The following LYPD8 variants were observed in gnomAD, a reference collection of about 807,000 sequenced individuals.
The protein encoded by LYPD8 is ly6/PLAUR domain-containing protein 8.
LYPD8 carries 8 observed loss-of-function variants against 1.7 expected under a neutral mutation model. The observed-to-expected ratio is 4.58, with a 90% confidence interval of 2.69 to 8.27. The LOEUF is 8.27. Among genes scored for constraint, LYPD8 ranks in the 30% most tolerant of loss-of-function variants. The pLI, the probability that LYPD8 is intolerant of heterozygous loss-of-function variation, is 0.00. For synonymous variants in LYPD8, 50 were observed against 43.6 expected (o/e 1.15, Z -0.58); for missense variants, 112 against 102.3 (o/e 1.09, Z -0.41).
Position 248,739,475 on chromosome 1 carries a change from C to T in LYPD8, c.*136G>A. 8.2e-7 allele frequency: 1 copy of T among 1,222,974 alleles called. No homozygotes were observed. The highest frequency in any genetic ancestry group is 1.1e-6 in the Non-Finnish European group (1 of 885,866). The allele number at this position is 1,222,974 out of a possible 1,614,324, so 75.8% of individuals were successfully genotyped here. The stretch of plus-strand genomic sequence containing the variant: ...AGAACAAGGCAGCTGTCGGCATTGC[C>T]TGGAGACCTGTGACTCCCACTTACT... On this transcript the variant is annotated 3_prime_UTR_variant, in exon 7 of 7. Transcript: ENST00000590317. The surrounding 1 kb of genome is among the most constrained non-coding windows in gnomAD (Gnocchi z 4.3).
intron 4 of LYPD8, among the ~76,000 whole-genome samples, chr1:248,749,591 G>A (rs1350354098): frequency 6.6e-6 from 1 of 151,960 alleles, no homozygotes. Context: ...AGGGAAAGAG[G>A]GGCCCAGACT....
intron 6 of LYPD8, among the ~76,000 whole-genome samples, chr1:248,742,355 C>G (rs1176347978): frequency 7.8e-5 from 1 of 12,804 alleles, no homozygotes. Context: ...TGTTGGCAGC[C>G]GGGGAGGTTA....
At position 248,745,137 on chromosome 1, in the gene LYPD8, C is replaced by G. The variant is rs1662708153; in HGVS notation, c.475+5G>C. On this transcript the variant is annotated splice_donor_5th_base_variant and intron_variant, in intron 6 of 6. Transcript: ENST00000590317. Reference sequence around the variant, plus strand: ...CCATAGAGGAATTAGAACTCCAAGACTTACCATTCTTAAGTTCTGCAACTA... The same window carrying G: ...CCATAGAGGAATTAGAACTCCAAGAGTTACCATTCTTAAGTTCTGCAACTA... 2.0e-5 allele frequency: 8 copies of G among 398,442 alleles called. No homozygotes were observed. In the South Asian group the frequency reaches 8.9e-4, roughly 44 times the overall value. The allele number at this position is 398,442 out of a possible 1,614,324, so 24.7% of individuals were successfully genotyped here.
chr1:248,752,659 C>CCA (rs1253200894), intron 2 of LYPD8, among the ~76,000 whole-genome samples: 3 of 90,498 alleles, frequency 3.3e-5, no homozygotes, highest in East Asian at 3.6e-4. Flanking sequence ...ACAACACACA[C>CCA]CACACACACC....
At chr1:248,745,352 A>G (rs1329857271) in intron 5 of LYPD8, 73 bp from the exon 6 acceptor site, 3 of 397,454 alleles carry the variant, frequency 7.5e-6, no homozygotes, top group East Asian at 7.1e-5. Context: ...TAGGCAAGCA[A>G]AGAAAGCACC....
chr1:248,741,370 C>G (rs1270596674), intron 6 of LYPD8, among the ~76,000 whole-genome samples: 1 of 152,162 alleles, frequency 6.6e-6, no homozygotes, highest in Admixed American at 6.5e-5. Context: ...CCACATCTGG[C>G]TAATTTTTGT....
chr1:248,753,417 C>T (rs1662864542), intron 2 of LYPD8, among the ~76,000 whole-genome samples: 1 of 132,578 alleles, frequency 7.5e-6, no homozygotes, highest in African/African-American at 3.0e-5. Context: ...ACACACCACA[C>T]ACCACACACA....
intron 6 of LYPD8, among the ~76,000 whole-genome samples, chr1:248,741,500 C>T (rs1171754346): frequency 6.6e-6 from 1 of 152,186 alleles, no homozygotes; most frequent in African/African-American, 2.4e-5. Flanking sequence ...AGCCACCGCA[C>T]CTGGCCAGTG....
At chr1:248,751,801 C>G (rs1347709659) in intron 2 of LYPD8, among the ~76,000 whole-genome samples, 12 of 152,118 alleles carry the variant, frequency 7.9e-5, no homozygotes, top group Non-Finnish European at 8.8e-5. Context: ...TTCCACTATT[C>G]CCACAGTCCT....
chr1:248,751,477 C>G (rs1662801636), intron 2 of LYPD8, among the ~76,000 whole-genome samples: 1 of 152,086 alleles, frequency 6.6e-6, no homozygotes, highest in East Asian at 1.9e-4. Flanking sequence ...CTGTGCCCCT[C>G]CCCTCCCCCA....
chr1:248,742,877 C>G (rs529590764), intron 6 of LYPD8, among the ~76,000 whole-genome samples: 1 of 109,632 alleles, frequency 9.1e-6, no homozygotes, highest in South Asian at 3.3e-4. Flanking sequence ...GGGATGTTGG[C>G]AGCCGGGTAG....
Position 248,739,628 on chromosome 1 carries a change from G to T in LYPD8, c.697C>A (p.Arg233=). The T allele has an allele frequency of 6.4e-7, 1 of 1,551,606 alleles. No individual in the cohort carries two copies. Among genetic ancestry groups the T allele is most frequent in the Non-Finnish European group, 8.7e-7 (1 of 1,146,986 alleles). ...YLLALASLLL[R]GLLP ...CCAGGACCTCAGGGCAGCAGTCCCC[G>T]AAGAAGGAGGCTGGCAAGGGCCAAG... Residue 233 remains arginine, a synonymous_variant, in exon 7 of 7, where the codon CGG becomes AGG. Coordinates refer to ENST00000590317, the MANE Select transcript of LYPD8 (RefSeq NM_001085474.2). This position sits in a 1 kb window ranked among gnomAD's most constrained non-coding sequence, Gnocchi z 4.3.
intron 4 of LYPD8, among the ~76,000 whole-genome samples, chr1:248,749,452 T>C (rs1662761527): frequency 6.6e-6 from 1 of 152,192 alleles, no homozygotes; most frequent in Non-Finnish European, 1.5e-5. Context: ...GGATAACCTA[T>C]AAAGAGAATA....
intron 6 of LYPD8, among the ~76,000 whole-genome samples, chr1:248,744,518 C>T (rs567407519): frequency 5.5e-5 from 8 of 146,176 alleles, no homozygotes; most frequent in African/African-American, 1.5e-4. Context: ...CAATGGGTAG[C>T]GTCAAATGTG....
intron 6 of LYPD8, among the ~76,000 whole-genome samples, chr1:248,744,921 G>A (rs2103169040): frequency 6.6e-6 from 1 of 152,274 alleles, no homozygotes; most frequent in South Asian, 2.1e-4. Context: ...TAGAGTTCAA[G>A]GGAAGGGTAG....
chr1:248,752,800 C>CCACA (rs1553284551), intron 2 of LYPD8, among the ~76,000 whole-genome samples: 1 of 111,894 alleles, frequency 8.9e-6, no homozygotes, highest in African/African-American at 3.8e-5. Flanking sequence ...ACACACCACA[C>CCACA]CCCACAACAC....
chr1:248,752,738 ACACACCACACACC>A (rs1662826053), intron 2 of LYPD8, among the ~76,000 whole-genome samples: 1 of 113,456 alleles, frequency 8.8e-6, no homozygotes, highest in Non-Finnish European at 1.8e-5. Flanking sequence ...CACACATCAC[ACACACCACACACC>A]CCACACACAC....
intron 6 of LYPD8, among the ~76,000 whole-genome samples, chr1:248,740,773 G>A (rs782289006): frequency 5.9e-5 from 9 of 151,764 alleles, no homozygotes; most frequent in Non-Finnish European, 8.8e-5. Flanking sequence ...CATGAAGCAG[G>A]GCTGCAATTT....
intron 6 of LYPD8, among the ~76,000 whole-genome samples, chr1:248,744,297 C>T (rs1662682297): frequency 6.6e-6 from 1 of 152,158 alleles, no homozygotes; most frequent in African/African-American, 2.4e-5. Context: ...GAGATGTCCA[C>T]CCAAGGGAAA....
Sources: gnomAD v4.1 joint callset for allele counts (sites outside exome capture counted in the v4.1 genomes callset) on GRCh38, gnomAD v4.1.1 for gene constraint, Gnocchi (gnomAD v3.1) non-coding constraint, MANE v1.5 for transcripts, NCBI Gene and HGNC (gene_info 2026-07-23, HGNC 2026-07-21) for gene names.